Variants in AGBL3 observed in about 807,000 individuals in gnomAD.
AGBL3 encodes AGBL carboxypeptidase 3.
AGBL3 carries 68 observed loss-of-function variants against 94.5 expected under a neutral mutation model. That is an observed-to-expected ratio of 0.72 (90% CI 0.59 to 0.88). The LOEUF (loss-of-function observed/expected upper bound fraction) is 0.88. Ranked by LOEUF, AGBL3 falls within the 40% of genes least tolerant of loss-of-function variation. The pLI is 0.00. For missense variants in AGBL3, 934 were observed against 1,103.8 expected (o/e 0.85, Z 2.18); for synonymous variants, 354 against 370.7 (o/e 0.95, Z 0.52).
intron 4 of AGBL3, among the ~76,000 whole-genome samples, chr7:135,005,078 A>G (rs910711232): frequency 1.3e-5 from 2 of 151,702 alleles, no homozygotes; most frequent in Non-Finnish European, 3.0e-5. Context: ...ATAATTTACT[A>G]TATTGCTTTA....
intron 5 of AGBL3, 47 bp downstream of exon 5, chr7:135,017,206 TA>T: frequency 7.7e-7 from 1 of 1,292,564 alleles, no homozygotes; most frequent in Non-Finnish European, 1.1e-6. Context: ...ATTTGGTACT[TA>T]GGTTAATCTC....
At chr7:135,081,829 C>A (rs987865135) in intron 15 of AGBL3, 39 bp downstream of exon 15, 13 of 1,287,466 alleles carry the variant, frequency 1.0e-5, no homozygotes, top group Non-Finnish European at 1.4e-5. Flanking sequence ...TGAGTGGTCC[C>A]CTATGATCTG....
chr7:135,013,744 A>T (rs1813435257), intron 4 of AGBL3, among the ~76,000 whole-genome samples: 2 of 152,154 alleles, frequency 1.3e-5, no homozygotes, highest in Admixed American at 1.3e-4. Flanking sequence ...AGACATAAAA[A>T]AGTGAGCTCT....
chr7:134,999,341 T>C (rs886642962), intron 4 of AGBL3, among the ~76,000 whole-genome samples: 1 of 152,166 alleles, frequency 6.6e-6, no homozygotes, highest in Admixed American at 6.5e-5. Context: ...TACTTGTCAG[T>C]TGTGTGTGCC....
chr7:135,122,867 C>T (rs562332980), intron 16 of AGBL3, among the ~76,000 whole-genome samples: 10 of 152,196 alleles, frequency 6.6e-5, no homozygotes, highest in African/African-American at 2.4e-4. Flanking sequence ...AACAAACAAG[C>T]CCCCAGAAAA....
intron 4 of AGBL3, among the ~76,000 whole-genome samples, chr7:134,994,702 TATAG>T (rs369998688): frequency 2.0e-5 from 3 of 152,166 alleles, no homozygotes; most frequent in African/African-American, 7.2e-5. Context: ...TCATCTGGCA[TATAG>T]ATAGATAGAC....
chr7:135,048,419 T>C (rs758500801), intron 11 of AGBL3, among the ~76,000 whole-genome samples: 10 of 151,934 alleles, frequency 6.6e-5, no homozygotes, highest in South Asian at 4.1e-4. Context: ...AGTGATTGTA[T>C]TGAATGTGTA....
At chr7:135,074,960 TAAAC>T (rs1309386558) in intron 12 of AGBL3, among the ~76,000 whole-genome samples, 3 of 41,046 alleles carry the variant, frequency 7.3e-5, no homozygotes, top group African/African-American at 2.2e-4. Context: ...TTTTAAAGAA[TAAAC>T]AGATGAAACA....
chr7:135,134,418 G>A (rs1162085388), intron 16 of AGBL3, among the ~76,000 whole-genome samples: 2 of 151,968 alleles, frequency 1.3e-5, no homozygotes, highest in South Asian at 2.1e-4. Context: ...GACTCACGTT[G>A]ATTTTTTTAC....
At chr7:135,007,516 A>G (rs530163575) in intron 4 of AGBL3, among the ~76,000 whole-genome samples, 3 of 152,122 alleles carry the variant, frequency 2.0e-5, no homozygotes, top group East Asian at 3.9e-4. Context: ...CAAATTAGGA[A>G]GAGAAAGGAA....
At chr7:135,044,460 T>C (rs1817163077) in intron 9 of AGBL3, among the ~76,000 whole-genome samples, 1 of 152,148 alleles carries the variant, frequency 6.6e-6, no homozygotes, top group Non-Finnish European at 1.5e-5. Context: ...ATATTTTTTA[T>C]TGGATTTGCT....
At position 135,134,867 on chromosome 7, in the gene AGBL3, T is replaced by A; in HGVS notation, c.2369T>A (p.Ile790Lys). Residue 790 changes from isoleucine to lysine, a missense_variant, in exon 17 of 17, where the codon ATA (isoleucine) becomes AAA (lysine). Transcript: ENST00000436302. Reference protein sequence around the residue: ...HQLNPATCRNIKKYSTSWTAP... With the variant: ...HQLNPATCRNKKKYSTSWTAP... ...CTAAATCCGGCTACTTGCAGAAATA[T>A]AAAGAAATACAGCACATCTTGGACA... 6.5e-7 allele frequency: 1 copy of A among 1,549,990 alleles called. No homozygotes were observed. Among genetic ancestry groups the A allele is most frequent in the African/African-American group, 1.4e-5 (1 of 73,084 alleles).
chr7:135,117,517 G>T (rs994401178), intron 16 of AGBL3, among the ~76,000 whole-genome samples: 1 of 152,122 alleles, frequency 6.6e-6, no homozygotes, highest in Non-Finnish European at 1.5e-5. Context: ...CTCATTCTTT[G>T]CTTATTCTCA....
chr7:135,009,811 T>C (rs949245333), intron 4 of AGBL3, among the ~76,000 whole-genome samples: 18 of 152,196 alleles, frequency 1.2e-4, no homozygotes, highest in African/African-American at 4.1e-4. Flanking sequence ...TTAAAAGCTT[T>C]AGCTGTGCCT....
At chr7:135,103,084 C>T (rs748908155) in intron 15 of AGBL3, among the ~76,000 whole-genome samples, 2 of 152,140 alleles carry the variant, frequency 1.3e-5, no homozygotes, top group Non-Finnish European at 2.9e-5. Flanking sequence ...CACAATACTC[C>T]GGCAGAATCC....
intron 12 of AGBL3, among the ~76,000 whole-genome samples, chr7:135,069,728 G>A (rs545188697): frequency 1.6e-4 from 25 of 152,254 alleles, no homozygotes; most frequent in Non-Finnish European, 2.9e-4. Flanking sequence ...AAAGCAGTGT[G>A]TAGAGGGAAA....
chr7:135,080,082 C>T, intron 13 of AGBL3, 121 bp from the exon 14 acceptor site: 1 of 781,710 alleles, frequency 1.3e-6, no homozygotes, highest in Non-Finnish European at 2.0e-6. Flanking sequence ...CATTCTAAAC[C>T]TGTAAGGATG....
chr7:135,023,022 G>A (rs772606598), intron 5 of AGBL3, among the ~76,000 whole-genome samples: 5 of 151,910 alleles, frequency 3.3e-5, no homozygotes, highest in Non-Finnish European at 7.4e-5. Context: ...TTTTGCCCTA[G>A]GTTTTTTTGT....
intron 15 of AGBL3, among the ~76,000 whole-genome samples, chr7:135,096,783 G>GAAAGAAATAAAT (rs1554516800): frequency 1.3e-5 from 2 of 148,748 alleles, no homozygotes; most frequent in African/African-American, 5.0e-5. Flanking sequence ...AAGAAAGAAA[G>GAAAGAAATAAAT]AAAGAAAGAA....
Sources: gnomAD v4.1 joint callset for allele counts (sites outside exome capture counted in the v4.1 genomes callset) on GRCh38, gnomAD v4.1.1 for gene constraint, MANE v1.5 for transcripts, NCBI Gene and HGNC (gene_info 2026-07-23, HGNC 2026-07-21) for gene names.